Variants in DNAAF5 observed in about 807,000 individuals in gnomAD.
The protein encoded by DNAAF5 is HEAT repeat containing 2.
Under a neutral mutation model 75.8 loss-of-function variants are expected in DNAAF5, and 64 were observed. That is an observed-to-expected ratio of 0.84 (90% confidence interval 0.69 to 1.04). The LOEUF is 1.04. DNAAF5 is among the 50% of genes least tolerant of loss of function. The pLI, the probability that DNAAF5 is intolerant of heterozygous loss-of-function variation, is 0.00. For synonymous variants in DNAAF5, 657 were observed against 557.2 expected (o/e 1.18, Z -2.52); for missense variants, 1,269 against 1,178.5 (o/e 1.08, Z -1.12).
rs1298645792 is a variant in DNAAF5, at chr7:756,978, G to A, written c.1454G>A (p.Cys485Tyr). 6.2e-7 allele frequency: 1 copy of A among 1,604,274 alleles called. No individual in the cohort carries two copies. Among genetic ancestry groups the A allele is most frequent in the Non-Finnish European group, 8.5e-7 (1 of 1,179,758 alleles). Residue 485 changes from cysteine to tyrosine, a missense_variant, in exon 6 of 13, where the codon TGC (cysteine) becomes TAC (tyrosine). By Grantham distance (194) the Cys-to-Tyr change is radical (BLOSUM62 -2). Transcript: ENST00000297440. ...IATELAQAHI[C>Y]QASENDLYLE... ...ACAGAGCTGGCACAGGCCCACATCT[G>A]CCAGGCATCTGAAAACGTAAGAGCA...
chr7:744,170 A>T (rs1216482743), intron 4 of DNAAF5, among the ~76,000 whole-genome samples: 1 of 152,016 alleles, frequency 6.6e-6, no homozygotes. Flanking sequence ...ATTCCCACCT[A>T]TGAGTGAGAA....
Position 785,521 on chromosome 7 carries a change from C to T in DNAAF5, c.2436C>T (p.Val812=). ...AGGTGTTTTTCTGTTTTACAGAGGT[C>T]CTCAAAGAGGGCAGCGGGCTGTTCC... ...ERAIQDAILE[V]LKEGSGLFPD... is the part of the protein sequence containing the mutation. The change falls in exon 13 of 13, where the codon GTC becomes GTT. Residue 812 remains valine (V), a synonymous_variant. Transcript: ENST00000297440. The T allele has an allele frequency of 6.2e-7, 1 of 1,613,700 alleles. No homozygotes were observed. Among genetic ancestry groups the T allele is most frequent in the Non-Finnish European group, 8.5e-7 (1 of 1,179,892 alleles).
rs1172185068 is a variant in DNAAF5, at chr7:743,916, A to G, written c.1024+2451A>G. On this transcript the variant is annotated intron_variant, in intron 4 of 12. Coordinates refer to ENST00000297440, the MANE Select transcript of DNAAF5 (RefSeq NM_017802.4). ...AAATAAGTTCTTTTTTTATTTTTTT[A>G]TTATTTATTATTTATTTTTATTTTA... Among the ~76,000 whole-genome samples, 8 of 148,234 alleles carry G rather than the reference A, an allele frequency of 5.4e-5. No individual in the cohort carries two copies. In the South Asian group the frequency reaches 1.7e-3, roughly 31 times the overall value.
chr7:734,698 G>A (rs770501164), intron 2 of DNAAF5, among the ~76,000 whole-genome samples: 23 of 152,126 alleles, frequency 1.5e-4, no homozygotes, highest in African/African-American at 2.9e-4. Flanking sequence ...GAAATATTGC[G>A]ACCCGGGCTT....
Position 740,936 on chromosome 7 carries a change from G to C in DNAAF5, c.898G>C (p.Glu300Gln), listed in dbSNP as rs768333531. Residue 300 changes from glutamate (E) to glutamine (Q), a missense_variant, in exon 3 of 13, where the codon GAG becomes CAG. Physicochemically the swap from Glu to Gln is conservative, Grantham distance 29. Coordinates refer to ENST00000297440, the MANE Select transcript of DNAAF5 (RefSeq NM_017802.4). ...CAGTAGCCTCAACGACGAGGTGCCT[G>C]AGGTCAGGTACGTGGGCAGGCGGCC... is the stretch of plus-strand genomic sequence containing the variant. ...LLSSLNDEVP[E>Q]VRQLAASLWE... 6.2e-7 allele frequency: 1 copy of C among 1,613,286 alleles called. No homozygotes were observed.
At chr7:731,565 C>G (rs1404094891) in intron 2 of DNAAF5, among the ~76,000 whole-genome samples, 5 of 152,250 alleles carry the variant, frequency 3.3e-5, no homozygotes, top group Non-Finnish European at 5.9e-5. Flanking sequence ...CATTGTTGAT[C>G]TAAAGCAAGC....
At position 756,854 on chromosome 7, in the gene DNAAF5, C is replaced by A. The variant is rs1352157848; in HGVS notation, c.1330C>A (p.Leu444Met). Reference sequence around the variant, plus strand: ...GTTTCTGAAGCTGATCTTATCGACGCTGAAGAAGACGCCCTCTGCCTCCGG... The same window carrying A: ...GTTTCTGAAGCTGATCTTATCGACGATGAAGAAGACGCCCTCTGCCTCCGG... ...EVFLKLILST[L>M]KKTPSASGLL... Residue 444 changes from leucine (L) to methionine (M), a missense_variant, in exon 6 of 13, where the codon CTG (leucine) becomes ATG (methionine). Leu to Met is a conservative substitution (Grantham distance 15). Transcript: ENST00000297440. 6.2e-7 allele frequency: 1 copy of A among 1,613,986 alleles called. No individual in the cohort carries two copies. Among genetic ancestry groups the A allele is most frequent in the African/African-American group, 1.3e-5 (1 of 75,060 alleles).
Position 770,907 on chromosome 7 carries a change from A to G in DNAAF5, c.1931+289A>G, listed in dbSNP as rs575317342. 7 of 350,084 alleles carry G rather than the reference A, an allele frequency of 2.0e-5. No individual in the cohort carries two copies. The South Asian group carries it at 3.7e-4, about 18-fold the overall frequency. The allele number at this position is 350,084 out of a possible 1,614,324, so 21.7% of individuals were successfully genotyped here. A position where few individuals can be genotyped will look rare whatever the true frequency, so the allele number is the denominator to read the frequency against. ...CACCAAGTCTGAGGTGGGCGTGTGC[A>G]GTGACCCCTGAGCTTAACTGGCCTG... On this transcript the variant is annotated intron_variant, in intron 9 of 12. Coordinates refer to ENST00000297440, the MANE Select transcript of DNAAF5 (RefSeq NM_017802.4).
intron 2 of DNAAF5, among the ~76,000 whole-genome samples, chr7:730,969 G>A (rs909535355): frequency 2.6e-5 from 4 of 152,238 alleles, no homozygotes; most frequent in African/African-American, 9.6e-5. Flanking sequence ...TGCGGGGTCA[G>A]TGTCCATGCT....
intron 12 of DNAAF5, 87 bp downstream of exon 12, chr7:780,231 A>T: frequency 7.6e-7 from 1 of 1,315,778 alleles, no homozygotes; most frequent in South Asian, 1.4e-5. Context: ...GTGACCGGCC[A>T]CAGGGCCCTG....
At chr7:734,476 T>C (rs1781673516) in intron 2 of DNAAF5, among the ~76,000 whole-genome samples, 1 of 152,252 alleles carries the variant, frequency 6.6e-6, no homozygotes, top group South Asian at 2.1e-4. Context: ...ATCTTTCTCA[T>C]GTGCTGTTGA....
chr7:727,485 A>C, intron 1 of DNAAF5, 170 bp downstream of exon 1: 5 of 232,408 alleles, frequency 2.2e-5, no homozygotes, highest in East Asian at 7.0e-5. Context: ...CCTGCCCCAA[A>C]GCACCCCGCC....
intron 7 of DNAAF5, among the ~76,000 whole-genome samples, chr7:762,575 C>T (rs1782695865): frequency 6.6e-6 from 1 of 152,016 alleles, no homozygotes; most frequent in African/African-American, 2.4e-5. Flanking sequence ...GCACAGCGTT[C>T]AGAAGTACTT....
intron 2 of DNAAF5, among the ~76,000 whole-genome samples, chr7:734,481 T>G (rs2128070756): frequency 6.6e-6 from 1 of 152,376 alleles, no homozygotes; most frequent in South Asian, 2.1e-4. Flanking sequence ...TCTCATGTGC[T>G]GTTGAAACAG....
chr7:769,423 A>T (rs1414710935), intron 8 of DNAAF5, among the ~76,000 whole-genome samples: 1 of 152,124 alleles, frequency 6.6e-6, no homozygotes, highest in Non-Finnish European at 1.5e-5. Flanking sequence ...GCCCTACTGC[A>T]GTGGGGACCC....
chr7:739,103 C>CTGACAGGCTTTG (rs1562377082), intron 2 of DNAAF5, among the ~76,000 whole-genome samples: 12 of 101,328 alleles, frequency 1.2e-4, no homozygotes, highest in South Asian at 4.9e-4. Flanking sequence ...CGCCCTCTGC[C>CTGACAGGCTTTG]CCATCACTGT....
At chr7:769,183 G>A (rs779737969) in intron 8 of DNAAF5, 7 of 774,342 alleles carry the variant, frequency 9.0e-6, no homozygotes, top group African/African-American at 5.1e-5. Flanking sequence ...CTCACATCGC[G>A]AGGTCCCCAG....
chr7:779,261 G>A (rs989672096), intron 11 of DNAAF5, among the ~76,000 whole-genome samples: 2 of 152,166 alleles, frequency 1.3e-5, no homozygotes, highest in African/African-American at 2.4e-5. Context: ...CCCTCCCAGC[G>A]TCGGGAAGAT....
intron 10 of DNAAF5, 70 bp downstream of exon 10, chr7:774,268 G>GC (rs2128084878): frequency 1.4e-6 from 2 of 1,460,650 alleles, no homozygotes; most frequent in East Asian, 4.9e-5. Context: ...GCCCGGCAGA[G>GC]CTCCCGCAGC....
Sources: allele counts gnomAD v4.1 joint callset (sites outside exome capture counted in the v4.1 genomes callset), GRCh38; gene constraint gnomAD v4.1.1; transcripts MANE v1.5; gene names NCBI Gene and HGNC (gene_info 2026-07-23, HGNC 2026-07-21).